Variants in MSRA observed in about 807,000 individuals in gnomAD.
MSRA encodes methionine sulfoxide reductase A.
MSRA carries 54 observed loss-of-function variants against 31.3 expected under a neutral mutation model. The ratio of observed to expected loss-of-function variants is 1.73; its 90% confidence interval spans 1.39 to 2.17. The LOEUF (loss-of-function observed/expected upper bound fraction) is 2.17. Among genes scored for constraint, MSRA ranks in the 30% most tolerant of loss-of-function variants. MSRA has a pLI of 0.00. For missense variants in MSRA, 507 were observed against 300.9 expected (o/e 1.69, Z -5.07); for synonymous variants, 169 against 116.5 (o/e 1.45, Z -2.90).
chr8:10,090,823 A>G (rs76171652), intron 1 of MSRA, among the ~76,000 whole-genome samples: 2,408 of 152,264 alleles, frequency 0.016, 25 homozygotes, highest in Non-Finnish European at 0.021. Flanking sequence ...CATTTAGCAT[A>G]CTTTTTTCAA....
chr8:10,166,965 A>G (rs1347578615), intron 1 of MSRA, among the ~76,000 whole-genome samples: 2 of 152,168 alleles, frequency 1.3e-5, no homozygotes, highest in Admixed American at 1.3e-4. Flanking sequence ...AACTGGCTGT[A>G]TTCACCCAAC....
intron 2 of MSRA, among the ~76,000 whole-genome samples, chr8:10,219,806 CAAAAAAAAAAA>C (rs59393980): frequency 3.5e-5 from 2 of 57,116 alleles, no homozygotes; most frequent in African/African-American, 1.8e-4. Flanking sequence ...ACTCTGTCTC[CAAAAAAAAAAA>C]AAAAAAAAAA....
intron 1 of MSRA, among the ~76,000 whole-genome samples, chr8:10,119,512 G>A (rs1329078838): frequency 2.6e-5 from 4 of 152,206 alleles, no homozygotes; most frequent in African/African-American, 9.7e-5. Flanking sequence ...CAACCAGGGC[G>A]CAAGGTATTT....
intron 5 of MSRA, among the ~76,000 whole-genome samples, chr8:10,349,281 A>T (rs924710523): frequency 6.6e-6 from 1 of 152,226 alleles, no homozygotes; most frequent in Non-Finnish European, 1.5e-5. Context: ...CAACCATTTC[A>T]AACAGTTTTA....
chr8:10,071,756 G>T (rs1019310825), intron 1 of MSRA, among the ~76,000 whole-genome samples: 1 of 152,166 alleles, frequency 6.6e-6, no homozygotes, highest in East Asian at 1.9e-4. Flanking sequence ...CTGGTGTTCA[G>T]TTCCAAGGGA....
At chr8:10,089,648 C>T (rs1013639006) in intron 1 of MSRA, among the ~76,000 whole-genome samples, 3 of 152,134 alleles carry the variant, frequency 2.0e-5, no homozygotes, top group African/African-American at 7.2e-5. Flanking sequence ...GGTCTTTTTC[C>T]TTCACAGTTC....
At chr8:10,091,716 C>T (rs940486183) in intron 1 of MSRA, among the ~76,000 whole-genome samples, 9 of 151,356 alleles carry the variant, frequency 5.9e-5, no homozygotes, top group Non-Finnish European at 7.4e-5. Flanking sequence ...AAGTGATTCT[C>T]GTGCCTCAGC....
intron 5 of MSRA, among the ~76,000 whole-genome samples, chr8:10,427,699 C>G (rs1470505562): frequency 1.3e-5 from 2 of 152,160 alleles, no homozygotes; most frequent in Non-Finnish European, 2.9e-5. Context: ...CCATCCCTAC[C>G]CTGTCCACCC....
chr8:10,130,025 C>A (rs11988049), intron 1 of MSRA, among the ~76,000 whole-genome samples: 7,001 of 152,204 alleles, frequency 0.046, 383 homozygotes, highest in African/African-American at 0.13. Flanking sequence ...GTACCTACAT[C>A]CCTTGGAAGT....
chr8:10,194,521 A>C (rs1023040521), intron 1 of MSRA, among the ~76,000 whole-genome samples: 1 of 152,238 alleles, frequency 6.6e-6, no homozygotes, highest in Non-Finnish European at 1.5e-5. Flanking sequence ...AGCCAAGATC[A>C]TGCTAATGCA....
intron 1 of MSRA, among the ~76,000 whole-genome samples, chr8:10,170,767 A>T (rs76273621): frequency 6.6e-6 from 1 of 152,220 alleles, no homozygotes. Flanking sequence ...AACCCCTTGC[A>T]GGAACTGAGG....
chr8:10,110,101 CTG>C (rs1246590506), intron 1 of MSRA, among the ~76,000 whole-genome samples: 6 of 152,200 alleles, frequency 3.9e-5, no homozygotes, highest in Non-Finnish European at 4.4e-5. Context: ...CAGACATTCA[CTG>C]AGCCTCTGCC....
chr8:10,384,080 T>C (rs1053173030), intron 5 of MSRA, among the ~76,000 whole-genome samples: 1 of 152,134 alleles, frequency 6.6e-6, no homozygotes, highest in African/African-American at 2.4e-5. Flanking sequence ...TACTGTGACA[T>C]TTAGCTGCCA....
chr8:10,297,890 C>T (rs946644245), intron 3 of MSRA, among the ~76,000 whole-genome samples: 2 of 152,198 alleles, frequency 1.3e-5, no homozygotes, highest in Non-Finnish European at 2.9e-5. Context: ...ATAAAATATT[C>T]TTGACAGCCT....
rs527788714 is a variant in MSRA at position 10,141,444 on chromosome 8, T to C, written c.143-66389T>C. 3.5e-3 allele frequency among the ~76,000 whole-genome samples: 531 copies of C among 152,246 alleles called. 3 individuals carry two copies. Among genetic ancestry groups the C allele is most frequent in the Admixed American group, 6.2e-3 (95 of 15,278 alleles). On this transcript the variant is annotated intron_variant, in intron 1 of 5. Transcript: ENST00000317173. The stretch of plus-strand genomic sequence containing the variant: ...CGCACTCCAATGCACAAGACATACA[T>C]TGTCACCCACACAGGCCCAGCCATC...
intron 1 of MSRA, among the ~76,000 whole-genome samples, chr8:10,161,262 T>C (rs1044568395): frequency 1.3e-5 from 2 of 152,220 alleles, no homozygotes; most frequent in African/African-American, 4.8e-5. Flanking sequence ...TTAAATATCA[T>C]CTGTTTCCCC....
At chr8:10,356,116 A>G (rs1804493295) in intron 5 of MSRA, among the ~76,000 whole-genome samples, 2 of 152,186 alleles carry the variant, frequency 1.3e-5, no homozygotes, top group Non-Finnish European at 2.9e-5. Flanking sequence ...TTGGGCAGCC[A>G]CAGCACCAGG....
intron 3 of MSRA, among the ~76,000 whole-genome samples, chr8:10,281,866 C>T (rs935645848): frequency 2.6e-5 from 4 of 152,174 alleles, no homozygotes; most frequent in Admixed American, 6.6e-5. Flanking sequence ...ACAATAGTGA[C>T]GGCTTCTTAG....
chr8:10,247,132 T>C (rs1174594875), intron 3 of MSRA, among the ~76,000 whole-genome samples: 1 of 152,252 alleles, frequency 6.6e-6, no homozygotes, highest in African/African-American at 2.4e-5. Context: ...AACAACATGA[T>C]AATTGCCATG....
Sources: gnomAD v4.1 joint callset for allele counts (sites outside exome capture counted in the v4.1 genomes callset) on GRCh38, gnomAD v4.1.1 for gene constraint, MANE v1.5 for transcripts, NCBI Gene and HGNC (gene_info 2026-07-23, HGNC 2026-07-21) for gene names.